Variants in PRKN observed in about 807,000 individuals in gnomAD.
PRKN encodes the protein parkin RBR E3 ubiquitin protein ligase.
In PRKN, 56 loss-of-function variants were observed where a neutral mutation model predicts 59.5. The ratio of observed to expected loss-of-function variants is 0.94; its 90% CI spans 0.76 to 1.18. The LOEUF is 1.18. Ranked by LOEUF, PRKN falls within the 50% of genes most tolerant of loss-of-function variation. The probability of loss-of-function intolerance (pLI) is 0.00; values close to 1 mark genes in which losing one functional copy is unlikely to be tolerated. For synonymous variants in PRKN, 250 were observed against 222.1 expected, an observed-to-expected ratio of 1.13 and a Z score of -1.12; for missense variants, 657 against 596.4, an observed-to-expected ratio of 1.10 and a Z score of -1.06.
intron 2 of PRKN, among the ~76,000 whole-genome samples, chr6:162,338,410 G>A (rs1030484259): frequency 5.3e-5 from 8 of 152,040 alleles, no homozygotes; most frequent in Non-Finnish European, 5.9e-5. Context: ...CTGCAGGCAC[G>A]CGCCGCCATG....
rs1195139530 is a variant in PRKN at position 162,195,999 on chromosome 6, A to C, written c.534+5132T>G. 3.3e-5 allele frequency among the ~76,000 whole-genome samples: 5 copies of C among 152,308 alleles called. 1 individual carries two copies. Among genetic ancestry groups the C allele is most frequent in the African/African-American group, 1.2e-4 (5 of 41,580 alleles). On this transcript the variant is annotated intron_variant, in intron 4 of 11. Coordinates refer to ENST00000366898, the MANE Select transcript of PRKN (RefSeq NM_004562.3). ...AGTATTTCACTCTATAAAAAGCCTT[A>C]CTATATTTTAAGCCAATTTTCTGTT...
At chr6:162,203,784 CTT>C (rs1784830213) in intron 3 of PRKN, among the ~76,000 whole-genome samples, 1 of 152,080 alleles carries the variant, frequency 6.6e-6, no homozygotes, top group Non-Finnish European at 1.5e-5. Flanking sequence ...CCTTAAAATC[CTT>C]TCTCTCTCCT....
intron 2 of PRKN, among the ~76,000 whole-genome samples, chr6:162,318,167 G>A (rs1782829680): frequency 1.3e-5 from 2 of 151,992 alleles, no homozygotes; most frequent in African/African-American, 4.8e-5. Flanking sequence ...GGAATCATAC[G>A]ATATTTCTGT....
At chr6:162,050,444 T>G (rs1472371575) in intron 5 of PRKN, among the ~76,000 whole-genome samples, 1 of 148,328 alleles carries the variant, frequency 6.7e-6, no homozygotes, top group African/African-American at 2.5e-5. Flanking sequence ...CTACTTAAGT[T>G]GTCCCATTTT....
At chr6:162,304,348 G>C (rs537749284) in intron 2 of PRKN, among the ~76,000 whole-genome samples, 1 of 150,698 alleles carries the variant, frequency 6.6e-6, no homozygotes, top group Non-Finnish European at 1.5e-5. Flanking sequence ...CTTTGTTAAT[G>C]ACCACTGCTG....
chr6:162,666,890 C>A (rs1213816736), intron 1 of PRKN, among the ~76,000 whole-genome samples: 3 of 151,940 alleles, frequency 2.0e-5, no homozygotes, highest in Non-Finnish European at 4.4e-5. Flanking sequence ...ATTCTTGTTT[C>A]CATTATAAAC....
chr6:161,923,200 G>C (rs1562392836), intron 6 of PRKN, among the ~76,000 whole-genome samples: 1 of 152,200 alleles, frequency 6.6e-6, no homozygotes, highest in Non-Finnish European at 1.5e-5. Flanking sequence ...TCTGCAGTTG[G>C]GGGCCAGTGC....
At chr6:162,724,196 T>G (rs1031767375) in intron 1 of PRKN, among the ~76,000 whole-genome samples, 2 of 152,206 alleles carry the variant, frequency 1.3e-5, no homozygotes, top group Non-Finnish European at 2.9e-5. Flanking sequence ...AAAAATTACA[T>G]TTTTCTAAAT....
At chr6:162,341,086 CA>C (rs1364166855) in intron 2 of PRKN, among the ~76,000 whole-genome samples, 1 of 151,888 alleles carries the variant, frequency 6.6e-6, no homozygotes, top group Non-Finnish European at 1.5e-5. Flanking sequence ...AAAAAAACAT[CA>C]AAAAGTGGGC....
intron 2 of PRKN, among the ~76,000 whole-genome samples, chr6:162,311,675 G>C (rs906737287): frequency 2.6e-5 from 4 of 151,448 alleles, no homozygotes; most frequent in Non-Finnish European, 4.4e-5. Context: ...GTAGAGACAG[G>C]GTTTCACCGT....
chr6:161,929,668 C>T (rs770229084), intron 6 of PRKN, among the ~76,000 whole-genome samples: 1 of 151,720 alleles, frequency 6.6e-6, no homozygotes, highest in African/African-American at 2.4e-5. Flanking sequence ...GGTTTACAGG[C>T]ACACGCCACC....
At chr6:161,565,739 C>A (rs547221415) in intron 8 of PRKN, among the ~76,000 whole-genome samples, 1 of 152,242 alleles carries the variant, frequency 6.6e-6, no homozygotes, top group Admixed American at 6.5e-5. Flanking sequence ...AATGTGAGAC[C>A]AGACTAATAC....
At chr6:161,742,563 G>T (rs1346715782) in intron 7 of PRKN, among the ~76,000 whole-genome samples, 1 of 152,152 alleles carries the variant, frequency 6.6e-6, no homozygotes, top group African/African-American at 2.4e-5. Context: ...CATGTGCATT[G>T]TGGAAAGCAA....
At chr6:161,603,640 T>C (rs1291397896) in intron 7 of PRKN, among the ~76,000 whole-genome samples, 3 of 152,206 alleles carry the variant, frequency 2.0e-5, no homozygotes, top group African/African-American at 7.2e-5. Context: ...TCTCTCTAAC[T>C]CTTTGTGTTC....
intron 7 of PRKN, among the ~76,000 whole-genome samples, chr6:161,757,633 T>A (rs1307445976): frequency 6.6e-6 from 1 of 151,818 alleles, no homozygotes; most frequent in Non-Finnish European, 1.5e-5. Context: ...AGGTCAGGTG[T>A]TCAAGACCAG....
At chr6:162,043,093 A>G (rs910103609) in intron 5 of PRKN, among the ~76,000 whole-genome samples, 6 of 152,178 alleles carry the variant, frequency 3.9e-5, no homozygotes, top group Non-Finnish European at 7.3e-5. Context: ...AATGAGGAAG[A>G]AGCAAAAGCA....
chr6:161,981,055 A>G (rs777896698), intron 5 of PRKN, among the ~76,000 whole-genome samples: 36 of 152,226 alleles, frequency 2.4e-4, no homozygotes, highest in Non-Finnish European at 4.0e-4. Flanking sequence ...TATTAACAGG[A>G]TACAGGGCTG....
intron 2 of PRKN, among the ~76,000 whole-genome samples, chr6:162,294,325 GAGA>G (rs1781564816): frequency 6.6e-6 from 1 of 151,956 alleles, no homozygotes; most frequent in African/African-American, 2.4e-5. Context: ...GCCTGAGAGA[GAGA>G]AGGAGGTGAA....
At chr6:162,667,836 T>C (rs961076478) in intron 1 of PRKN, among the ~76,000 whole-genome samples, 2 of 152,150 alleles carry the variant, frequency 1.3e-5, no homozygotes, top group Admixed American at 6.5e-5. Context: ...ATGGGGTTAA[T>C]ATTAGTACTT....
Sources: gnomAD v4.1 joint callset for allele counts (sites outside exome capture counted in the v4.1 genomes callset) on GRCh38, gnomAD v4.1.1 for gene constraint, MANE v1.5 for transcripts, NCBI Gene and HGNC (gene_info 2026-07-23, HGNC 2026-07-21) for gene names.